Variants in ROBO2 observed in about 807,000 individuals in gnomAD.
The protein encoded by ROBO2 is roundabout guidance receptor 2.
ROBO2 carries 53 observed loss-of-function variants against 160.8 expected under a neutral mutation model. The observed-to-expected ratio is 0.33, with a 90% CI of 0.26 to 0.41. The LOEUF (loss-of-function observed/expected upper bound fraction) is 0.41, where lower values mean the gene tolerates loss of function less well. Among genes scored for constraint, ROBO2 ranks in the 10% least tolerant of loss-of-function variants. The pLI, the probability that ROBO2 is intolerant of heterozygous loss-of-function variation, is 1.00. For synonymous variants in ROBO2, 664 were observed against 611.7 expected (o/e 1.09, Z -1.26); for missense variants, 1,577 against 1,722.4 (o/e 0.92, Z 1.49).
chr3:75,930,135 A>G (rs1471164613), intron 1 of ROBO2, among the ~76,000 whole-genome samples: 2 of 152,088 alleles, frequency 1.3e-5, no homozygotes, highest in Non-Finnish European at 1.5e-5. Flanking sequence ...CTTTATTTCC[A>G]TTACTTTTTT....
chr3:77,491,689 C>T (rs1207569228), intron 4 of ROBO2, among the ~76,000 whole-genome samples: 3 of 152,074 alleles, frequency 2.0e-5, no homozygotes, highest in Admixed American at 1.3e-4. Context: ...TAGATGCAAC[C>T]GTGTTTTTCT....
At chr3:76,078,836 A>G (rs2068726804) in intron 2 of ROBO2, among the ~76,000 whole-genome samples, 1 of 152,194 alleles carries the variant, frequency 6.6e-6, no homozygotes, top group South Asian at 2.1e-4. Context: ...GGTTTTACTA[A>G]TTTACATTTC....
intron 2 of ROBO2, among the ~76,000 whole-genome samples, chr3:76,704,533 C>T (rs947494912): frequency 5.9e-5 from 9 of 152,016 alleles, no homozygotes; most frequent in African/African-American, 1.7e-4. Context: ...AGGGGTAACA[C>T]GATGAATCAT....
At chr3:77,324,001 T>C (rs926163218) in intron 2 of ROBO2, among the ~76,000 whole-genome samples, 8 of 152,194 alleles carry the variant, frequency 5.3e-5, no homozygotes, top group African/African-American at 1.4e-4. Context: ...TATATTCAGA[T>C]TGATTTATAA....
At chr3:76,649,428 G>A (rs141455661) in intron 2 of ROBO2, among the ~76,000 whole-genome samples, 1 of 152,244 alleles carries the variant, frequency 6.6e-6, no homozygotes, top group African/African-American at 2.4e-5. Flanking sequence ...ACAAGAGAAT[G>A]TGTTGATTCA....
chr3:76,455,898 G>C (rs534099273), intron 2 of ROBO2, among the ~76,000 whole-genome samples: 2 of 152,228 alleles, frequency 1.3e-5, no homozygotes, highest in Admixed American at 1.3e-4. Flanking sequence ...ATTTTGGATT[G>C]ATTGCTGACA....
chr3:76,249,656 T>C (rs1576093267), intron 2 of ROBO2, among the ~76,000 whole-genome samples: 1 of 152,098 alleles, frequency 6.6e-6, no homozygotes, highest in Admixed American at 6.6e-5. Flanking sequence ...AGTGTGTCTA[T>C]GGAATAATAA....
At chr3:76,817,277 A>G (rs975897824) in intron 2 of ROBO2, among the ~76,000 whole-genome samples, 64 of 152,126 alleles carry the variant, frequency 4.2e-4, no homozygotes, top group Admixed American at 4.2e-3. Flanking sequence ...GCACATAAAC[A>G]AAGAATGGGA....
intron 2 of ROBO2, among the ~76,000 whole-genome samples, chr3:77,321,940 C>A (rs1350934955): frequency 6.6e-6 from 1 of 152,058 alleles, no homozygotes; most frequent in African/African-American, 2.4e-5. Context: ...GCACAGTGCA[C>A]GGGTATTTTC....
intron 15 of ROBO2, among the ~76,000 whole-genome samples, chr3:77,578,587 G>T (rs577967863): frequency 6.6e-6 from 1 of 152,006 alleles, no homozygotes; most frequent in African/African-American, 2.4e-5. Flanking sequence ...AGAATAACTT[G>T]CTAAAGCAAA....
chr3:77,488,682 A>C (rs924643846), intron 4 of ROBO2, among the ~76,000 whole-genome samples: 21 of 152,098 alleles, frequency 1.4e-4, no homozygotes, highest in Admixed American at 1.3e-3. Flanking sequence ...GATGATTTTG[A>C]GTCAAAAGGG....
chr3:76,609,801 C>T (rs887690349), intron 2 of ROBO2, among the ~76,000 whole-genome samples: 2 of 152,286 alleles, frequency 1.3e-5, no homozygotes, highest in South Asian at 2.1e-4. Flanking sequence ...TCTTCCAGAT[C>T]TTGAAGAAAA....
chr3:77,178,653 A>AC (rs940419721), intron 2 of ROBO2, among the ~76,000 whole-genome samples: 9 of 151,852 alleles, frequency 5.9e-5, no homozygotes, highest in African/African-American at 2.2e-4. Context: ...TAAATTTTAT[A>AC]CCCCCCACAG....
chr3:77,202,851 A>T (rs1458062882), intron 2 of ROBO2, among the ~76,000 whole-genome samples: 1 of 152,192 alleles, frequency 6.6e-6, no homozygotes, highest in East Asian at 1.9e-4. Context: ...TCAAGATCAC[A>T]TGACCAAGTT....
chr3:76,507,809 C>T (rs1046979316), intron 2 of ROBO2, among the ~76,000 whole-genome samples: 4 of 152,008 alleles, frequency 2.6e-5, no homozygotes, highest in Non-Finnish European at 5.9e-5. Flanking sequence ...TTCTACAATC[C>T]GTTCTTTCTA....
intron 2 of ROBO2, among the ~76,000 whole-genome samples, chr3:76,211,248 A>G (rs1703129134): frequency 2.0e-5 from 3 of 152,078 alleles, no homozygotes; most frequent in Non-Finnish European, 4.4e-5. Flanking sequence ...ACTTGAGTTC[A>G]TAGTTTGCTA....
At chr3:76,139,205 A>C (rs2071542079) in intron 2 of ROBO2, among the ~76,000 whole-genome samples, 1 of 152,114 alleles carries the variant, frequency 6.6e-6, no homozygotes, top group Non-Finnish European at 1.5e-5. Context: ...ATCATCATTT[A>C]GTATGACTTC....
At chr3:76,413,265 G>C (rs914078550) in intron 2 of ROBO2, among the ~76,000 whole-genome samples, 65 of 152,324 alleles carry the variant, frequency 4.3e-4, no homozygotes, top group African/African-American at 1.5e-3. Flanking sequence ...TCTCTGACAT[G>C]GCTTGGAGAT....
intron 2 of ROBO2, among the ~76,000 whole-genome samples, chr3:76,595,642 T>A (rs1458101483): frequency 6.6e-6 from 1 of 152,042 alleles, no homozygotes; most frequent in Non-Finnish European, 1.5e-5. Flanking sequence ...TTAAGTGAAA[T>A]CAAATTCATG....
Sources: allele counts gnomAD v4.1 joint callset (sites outside exome capture counted in the v4.1 genomes callset), GRCh38; gene constraint gnomAD v4.1.1; transcripts MANE v1.5; gene names NCBI Gene and HGNC (gene_info 2026-07-23, HGNC 2026-07-21).